CREB3L2: variants seen among roughly 807,000 people sequenced by gnomAD.
The protein encoded by CREB3L2 is cyclic AMP-responsive element-binding protein 3-like protein 2.
Under a neutral mutation model 57.2 loss-of-function variants are expected in CREB3L2, and 23 were observed. The ratio of observed to expected loss-of-function variants is 0.40; its 90% CI spans 0.29 to 0.57. The LOEUF (loss-of-function observed/expected upper bound fraction) is 0.57. Ranked by LOEUF, CREB3L2 falls within the 20% of genes least tolerant of loss-of-function variation. The pLI is 0.42. For missense variants in CREB3L2, 628 were observed against 634.7 expected (o/e 0.99, Z 0.11); for synonymous variants, 268 against 265.1 (o/e 1.01, Z -0.11).
chr7:137,946,935 G>T (rs1801004180), intron 1 of CREB3L2, among the ~76,000 whole-genome samples: 3 of 92,400 alleles, frequency 3.2e-5, no homozygotes, highest in African/African-American at 5.2e-5. Flanking sequence ...TATATATATA[G>T]TTATATATAT....
chr7:137,986,080 T>C (rs539102849), intron 1 of CREB3L2, among the ~76,000 whole-genome samples: 1 of 152,352 alleles, frequency 6.6e-6, no homozygotes, highest in East Asian at 1.9e-4. Context: ...ACTTTACTTA[T>C]GTCATTTATC....
chr7:137,944,240 C>T (rs1471714007), intron 1 of CREB3L2, among the ~76,000 whole-genome samples: 2 of 152,174 alleles, frequency 1.3e-5, no homozygotes, highest in African/African-American at 4.8e-5. Context: ...AATAGCAATT[C>T]ACAAAGCTGT....
At chr7:137,910,743 GA>G (rs1421753463) in intron 4 of CREB3L2, among the ~76,000 whole-genome samples, 1 of 152,066 alleles carries the variant, frequency 6.6e-6, no homozygotes, top group Admixed American at 6.5e-5. Context: ...ACAAAAGACA[GA>G]AAGAGAATTT....
At chr7:137,981,729 G>A (rs1010468974) in intron 1 of CREB3L2, among the ~76,000 whole-genome samples, 3 of 152,186 alleles carry the variant, frequency 2.0e-5, no homozygotes, top group Non-Finnish European at 2.9e-5. Flanking sequence ...CTTTGAGTCC[G>A]AATCTTGAGA....
chr7:137,885,632 C>A, intron 8 of CREB3L2, 130 bp from the exon 9 acceptor site: 1 of 704,726 alleles, frequency 1.4e-6, no homozygotes. Context: ...GGGACAGTTT[C>A]CTCTGGAAGA....
At chr7:137,969,036 G>C (rs1178941377) in intron 1 of CREB3L2, among the ~76,000 whole-genome samples, 1 of 152,224 alleles carries the variant, frequency 6.6e-6, no homozygotes, top group African/African-American at 2.4e-5. Flanking sequence ...AAAACAGCAT[G>C]TGTCAAGTGA....
intron 2 of CREB3L2, chr7:137,922,503 CACACAA>C (rs1377513148): frequency 2.9e-5 from 8 of 272,966 alleles, no homozygotes; most frequent in African/African-American, 1.9e-4. Flanking sequence ...CACACACACA[CACACAA>C]TATATATATA....
At position 137,905,701 on chromosome 7, in the gene CREB3L2, C is replaced by G; in HGVS notation, c.915+1G>C. ...GAAGTGCCTAGATTTGAAGAGCTCA[C>G]CTTATTCTTGATCTTCCTCCGAATT... is the stretch of plus-strand genomic sequence containing the variant. On this transcript the variant is annotated splice_donor_variant, in intron 6 of 11. Coordinates refer to ENST00000330387, the MANE Select transcript of CREB3L2 (RefSeq NM_194071.4). LOFTEE classifies it high-confidence loss of function. The G allele has an allele frequency of 2.5e-6, 4 of 1,614,094 alleles. No individual in the cohort carries two copies. Among genetic ancestry groups the G allele is most frequent in the Non-Finnish European group, 3.4e-6 (4 of 1,179,988 alleles).
At chr7:137,972,736 T>TAGAGAG (rs564670456) in intron 1 of CREB3L2, among the ~76,000 whole-genome samples, 3 of 22,358 alleles carry the variant, frequency 1.3e-4, no homozygotes, top group Non-Finnish European at 8.3e-5. Flanking sequence ...TATATATATA[T>TAGAGAG]AGAGAGAGAG....
intron 1 of CREB3L2, among the ~76,000 whole-genome samples, chr7:137,979,728 A>AAACAACAAC (rs139819092): frequency 6.6e-6 from 1 of 150,376 alleles, no homozygotes; most frequent in Non-Finnish European, 1.5e-5. Flanking sequence ...TCCGTCTCAA[A>AAACAACAAC]AACAACAACA....
chr7:137,911,401 C>T (rs273961), intron 4 of CREB3L2, among the ~76,000 whole-genome samples: 87,159 of 152,106 alleles, frequency 0.57, 25,608 homozygotes, highest in East Asian at 0.79. Flanking sequence ...TGAAGACAGA[C>T]GATATTTTCA....
chr7:137,998,333 G>C (rs1418663869), intron 1 of CREB3L2, among the ~76,000 whole-genome samples: 6 of 152,248 alleles, frequency 3.9e-5, no homozygotes, highest in Non-Finnish European at 7.3e-5. Flanking sequence ...TAGCAATCAT[G>C]CATGTAGTAA....
chr7:137,905,149 GAGGGGCCC>G (rs1480801764), intron 6 of CREB3L2, among the ~76,000 whole-genome samples: 2 of 151,582 alleles, frequency 1.3e-5, no homozygotes, highest in Non-Finnish European at 2.9e-5. Context: ...GCTCAGCACT[GAGGGGCCC>G]AGGGGTAGGA....
intron 1 of CREB3L2, among the ~76,000 whole-genome samples, chr7:137,978,847 G>A (rs1474367060): frequency 6.6e-6 from 1 of 152,176 alleles, no homozygotes; most frequent in Non-Finnish European, 1.5e-5. Context: ...CTATGGAAGA[G>A]AGCCGTGGAT....
rs745906933 is a variant in CREB3L2 at position 137,878,911 on chromosome 7, G to C, written c.*1565C>G. 59 of 399,258 alleles carry C rather than the reference G, an allele frequency of 1.5e-4. 1 individual carries two copies. Among genetic ancestry groups the C allele is most frequent in the Non-Finnish European group, 2.4e-4 (51 of 214,354 alleles). 24.7% of individuals were successfully genotyped at this position (399,258 alleles called of 1,614,324 possible). Reference sequence around the variant, plus strand: ...CAATAACAATGCAGATGACGTGTGTGGGGGTGGGTGGTGGGGGGAGAGAGA... The same window carrying C: ...CAATAACAATGCAGATGACGTGTGTCGGGGTGGGTGGTGGGGGGAGAGAGA... On this transcript the variant is annotated 3_prime_UTR_variant, in exon 12 of 12. Coordinates refer to ENST00000330387, the MANE Select transcript of CREB3L2 (RefSeq NM_194071.4).
At chr7:137,969,666 G>T (rs560370699) in intron 1 of CREB3L2, among the ~76,000 whole-genome samples, 41 of 151,474 alleles carry the variant, frequency 2.7e-4, no homozygotes, top group African/African-American at 9.9e-4. Context: ...TTTTCATTGA[G>T]GTTGTTTAGC....
At chr7:137,956,595 C>A (rs759612996) in intron 1 of CREB3L2, 2 of 1,289,032 alleles carry the variant, frequency 1.6e-6, no homozygotes, top group Non-Finnish European at 2.0e-6. Context: ...TCCTGGCAAT[C>A]CTTCACACGG....
chr7:137,995,068 C>T (rs369790332), intron 1 of CREB3L2, among the ~76,000 whole-genome samples: 74 of 152,180 alleles, frequency 4.9e-4, no homozygotes, highest in African/African-American at 1.3e-3. Context: ...GTCATATGAC[C>T]GAATCCTTAC....
Position 137,890,947 on chromosome 7 carries a change from C to T in CREB3L2, c.1044-5445G>A, listed in dbSNP as rs953889457. 2.6e-5 allele frequency among the ~76,000 whole-genome samples: 4 copies of T among 152,234 alleles called. No homozygotes were observed. In the East Asian group the frequency reaches 5.8e-4, roughly 22 times the overall value. On this transcript the variant is annotated intron_variant, in intron 8 of 11. Transcript: ENST00000330387. ...TGGTGCCTATGAAGCTCAGTATAAACTTCCTCTTTATTATTGTATTTTAAA... is the reference window on the plus strand; with the variant it reads ...TGGTGCCTATGAAGCTCAGTATAAATTTCCTCTTTATTATTGTATTTTAAA...
Sources: gnomAD v4.1 joint callset for allele counts (sites outside exome capture counted in the v4.1 genomes callset) on GRCh38, gnomAD v4.1.1 for gene constraint, MANE v1.5 for transcripts, NCBI Gene and HGNC (gene_info 2026-07-23, HGNC 2026-07-21) for gene names.